RGS7: variants seen among roughly 807,000 people sequenced by gnomAD.
The protein encoded by RGS7 is regulator of G-protein signaling 7.
RGS7 carries 27 observed loss-of-function variants against 81.1 expected under a neutral mutation model. That is an observed-to-expected ratio of 0.33 (90% CI 0.25 to 0.46). The LOEUF is 0.46. RGS7 is among the 20% of genes least tolerant of loss of function. The probability of loss-of-function intolerance (pLI) is 1.00; values close to 1 mark genes in which losing one functional copy is unlikely to be tolerated. For synonymous variants in RGS7, 208 were observed against 207.7 expected, an observed-to-expected ratio of 1.00 and a Z score of -0.01; for missense variants, 396 against 607.4, an observed-to-expected ratio of 0.65 and a Z score of 3.66.
At chr1:240,871,104 T>G (rs2148033519) in intron 6 of RGS7, among the ~76,000 whole-genome samples, 1 of 152,300 alleles carries the variant, frequency 6.6e-6, no homozygotes, top group South Asian at 2.1e-4. Flanking sequence ...CATGACAAAC[T>G]CAAGGCATTC....
chr1:241,030,818 T>A lies in RGS7; in HGVS notation c.176-47689A>T, dbSNP rs558282861. Among the ~76,000 whole-genome samples, 3 of 152,130 alleles carry A rather than the reference T, an allele frequency of 2.0e-5. No individual in the cohort carries two copies. The South Asian group carries it at 6.2e-4, about 32-fold the overall frequency. On this transcript the variant is annotated intron_variant, in intron 3 of 18. Transcript: ENST00000440928. The stretch of plus-strand genomic sequence containing the variant: ...TCCTCTTAAAAAAATCCTCCCCACA[T>A]GGTATTACACATGGAAACTGACAGT...
At chr1:241,210,879 T>A (rs190021023) in intron 2 of RGS7, among the ~76,000 whole-genome samples, 1 of 152,330 alleles carries the variant, frequency 6.6e-6, no homozygotes, top group African/African-American at 2.4e-5. Context: ...GCAGACACTA[T>A]TTTGGTAATA....
intron 2 of RGS7, among the ~76,000 whole-genome samples, chr1:241,169,795 C>T (rs943194326): frequency 2.6e-5 from 4 of 152,090 alleles, no homozygotes; most frequent in African/African-American, 4.8e-5. Context: ...CATATATGTA[C>T]TTGTTTCTGT....
At position 241,278,596 on chromosome 1, in the gene RGS7, A is replaced by T. The variant is rs149433985; in HGVS notation, c.78+77103T>A. Among the ~76,000 whole-genome samples, 401 of 152,318 alleles carry T rather than the reference A, an allele frequency of 2.6e-3. 5 individuals carry two copies. Among genetic ancestry groups the T allele is most frequent in the Admixed American group, 0.016 (244 of 15,310 alleles). ...CTCCTTCACCACAGAGCTCACAACTATGGCAATGGCTGTGTCCTTTCTCAT... is the reference window on the plus strand; with the variant it reads ...CTCCTTCACCACAGAGCTCACAACTTTGGCAATGGCTGTGTCCTTTCTCAT... On this transcript the variant is annotated intron_variant, in intron 2 of 18. Transcript: ENST00000440928.
chr1:240,819,434 T>C (rs1471456473), intron 10 of RGS7, among the ~76,000 whole-genome samples: 1 of 152,168 alleles, frequency 6.6e-6, no homozygotes, highest in Non-Finnish European at 1.5e-5. Context: ...GCATTTCCTG[T>C]AAACTTCATA....
chr1:241,148,736 T>C (rs1378325644), intron 2 of RGS7, among the ~76,000 whole-genome samples: 3 of 152,270 alleles, frequency 2.0e-5, no homozygotes, highest in Non-Finnish European at 4.4e-5. Flanking sequence ...AAAATGCATA[T>C]ACATTCTATA....
At chr1:240,951,432 T>C (rs1229629156) in intron 4 of RGS7, among the ~76,000 whole-genome samples, 1 of 152,090 alleles carries the variant, frequency 6.6e-6, no homozygotes, top group Non-Finnish European at 1.5e-5. Context: ...AGCAGAAAGA[T>C]TCTAAGAAAG....
chr1:240,815,611 T>G (rs989311039), intron 11 of RGS7, among the ~76,000 whole-genome samples: 1 of 152,154 alleles, frequency 6.6e-6, no homozygotes, highest in East Asian at 1.9e-4. Flanking sequence ...TCCTTCCTGA[T>G]TATTGTAAAT....
intron 2 of RGS7, among the ~76,000 whole-genome samples, chr1:241,124,788 G>A (rs974794079): frequency 3.9e-5 from 6 of 152,162 alleles, no homozygotes; most frequent in Admixed American, 6.5e-5. Flanking sequence ...GACATATCTC[G>A]GGACCTCCCA....
intron 3 of RGS7, among the ~76,000 whole-genome samples, chr1:241,039,276 T>G (rs2060484916): frequency 6.6e-6 from 1 of 152,206 alleles, no homozygotes; most frequent in African/African-American, 2.4e-5. Flanking sequence ...TACTGTGGGA[T>G]CAAACACTGG....
At chr1:241,137,178 T>G (rs1238762693) in intron 2 of RGS7, among the ~76,000 whole-genome samples, 1 of 152,176 alleles carries the variant, frequency 6.6e-6, no homozygotes, top group Non-Finnish European at 1.5e-5. Flanking sequence ...TGTTCAATGT[T>G]GTACTATCAA....
intron 2 of RGS7, among the ~76,000 whole-genome samples, chr1:241,284,033 C>T (rs2078666399): frequency 6.6e-6 from 1 of 152,104 alleles, no homozygotes; most frequent in South Asian, 2.1e-4. Flanking sequence ...TCTATTTTCT[C>T]ATTTGTTTCA....
chr1:240,792,035 GCTTTA>G (rs1211856172), intron 18 of RGS7, among the ~76,000 whole-genome samples: 1 of 152,106 alleles, frequency 6.6e-6, no homozygotes, highest in African/African-American at 2.4e-5. Context: ...ATATCTCCTT[GCTTTA>G]CTGAGCTACA....
intron 2 of RGS7, among the ~76,000 whole-genome samples, chr1:241,306,165 C>G (rs763414778): frequency 6.6e-6 from 1 of 151,666 alleles, no homozygotes; most frequent in South Asian, 2.1e-4. Flanking sequence ...CACGTCCACA[C>G]ACATTCACAC....
intron 2 of RGS7, among the ~76,000 whole-genome samples, chr1:241,136,211 G>A (rs1558117392): frequency 1.3e-5 from 2 of 152,178 alleles, no homozygotes; most frequent in East Asian, 3.8e-4. Context: ...TAAAAAACAT[G>A]TATAGACAGT....
intron 2 of RGS7, among the ~76,000 whole-genome samples, chr1:241,215,695 G>A (rs2074507235): frequency 6.6e-6 from 1 of 152,108 alleles, no homozygotes; most frequent in African/African-American, 2.4e-5. Context: ...AGTCCTCGTA[G>A]GGGAAAAAAA....
intron 2 of RGS7, among the ~76,000 whole-genome samples, chr1:241,235,909 T>TGAGAGAGAGAGAGAGAGAGAGAGA (rs1553294805): frequency 7.3e-6 from 1 of 137,900 alleles, no homozygotes; most frequent in African/African-American, 2.6e-5. Context: ...AGATGCACTT[T>TGAGAGAGAGAGAGAGAGAGAGAGA]GAGAGAGAGA....
chr1:241,241,225 C>T (rs891876141), intron 2 of RGS7, among the ~76,000 whole-genome samples: 1 of 152,010 alleles, frequency 6.6e-6, no homozygotes, highest in Non-Finnish European at 1.5e-5. Flanking sequence ...CTACAAGAAG[C>T]AGGCCTTCTT....
chr1:241,130,939 A>C (rs980415172), intron 2 of RGS7, among the ~76,000 whole-genome samples: 7 of 151,948 alleles, frequency 4.6e-5, no homozygotes, highest in African/African-American at 7.3e-5. Context: ...AAAAAAAAAA[A>C]AAAAAACCAA....
Sources: gnomAD v4.1 joint callset for allele counts (sites outside exome capture counted in the v4.1 genomes callset) on GRCh38, gnomAD v4.1.1 for gene constraint, MANE v1.5 for transcripts, NCBI Gene and HGNC (gene_info 2026-07-23, HGNC 2026-07-21) for gene names.